ANKDD1A: variants seen among roughly 807,000 people sequenced by gnomAD.
ANKDD1A encodes the protein ankyrin repeat and death domain containing 1A, also known as ankyrin repeat and death domain-containing protein 1A.
A neutral mutation model predicts 63.5 loss-of-function variants in ANKDD1A; 59 were observed. That is an observed-to-expected ratio of 0.93 (90% CI 0.75 to 1.15). The LOEUF is 1.15. Among genes scored for constraint, ANKDD1A ranks in the 50% most tolerant of loss-of-function variants. The probability of loss-of-function intolerance (pLI) is 0.00; values close to 1 mark genes in which losing one functional copy is unlikely to be tolerated. For missense variants in ANKDD1A, 632 were observed against 656.4 expected (o/e 0.96, Z 0.41); for synonymous variants, 266 against 263.9 (o/e 1.01, Z -0.08).
intron 6 of ANKDD1A, 84 bp from the exon 7 acceptor site, chr15:64,930,738 G>A (rs2085083121): frequency 7.3e-7 from 1 of 1,376,628 alleles, no homozygotes; most frequent in Non-Finnish European, 1.0e-6. Flanking sequence ...CACTGACCCA[G>A]TGTGCATGGC....
At chr15:64,930,259 TA>T (rs11430089) in intron 6 of ANKDD1A, among the ~76,000 whole-genome samples, 86,264 of 144,914 alleles carry the variant, frequency 0.6, 25,480 homozygotes, top group South Asian at 0.77. Flanking sequence ...AAAGTAAAAT[TA>T]AAAAAAAAAA....
In ANKDD1A at chr15:64,942,447, C is replaced by A. The variant is rs1377204709; in HGVS notation, c.868-20C>A. 16 of 1,588,536 alleles carry A rather than the reference C, an allele frequency of 1.0e-5. No homozygotes were observed. Among genetic ancestry groups the A allele is most frequent in the Non-Finnish European group, 1.4e-5 (16 of 1,162,264 alleles). On this transcript the variant is annotated intron_variant, in intron 9 of 14. Coordinates refer to ENST00000319580, the MANE Select transcript of ANKDD1A (RefSeq NM_182703.6). Reference sequence around the variant, plus strand: ...TCCTGGGAGGGACTGGTCGATTGATCCGTGTATCTCCTCCCACAGCAGGGT... The same window carrying A: ...TCCTGGGAGGGACTGGTCGATTGATACGTGTATCTCCTCCCACAGCAGGGT...
At chr15:64,951,471 CTT>C (rs1555366905) in intron 14 of ANKDD1A, 981 of 20,036 alleles carry the variant, frequency 0.049, 20 homozygotes, top group East Asian at 0.14. Flanking sequence ...TCTCTTTTTT[CTT>C]TTCTTCTTCC....
At chr15:64,953,787 TCTG>T (rs1343420895) in intron 14 of ANKDD1A, among the ~76,000 whole-genome samples, 2 of 138,166 alleles carry the variant, frequency 1.4e-5, no homozygotes, top group African/African-American at 2.6e-5. Flanking sequence ...TTTTCTTTCT[TCTG>T]CTTTCTTCTT....
intron 10 of ANKDD1A, among the ~76,000 whole-genome samples, chr15:64,942,950 TGTCCCCACAATCTA>T (rs1428173697): frequency 6.6e-6 from 1 of 152,222 alleles, no homozygotes; most frequent in Non-Finnish European, 1.5e-5. Context: ...TTTTAAATCC[TGTCCCCACAATCTA>T]CCCACCAACC....
intron 2 of ANKDD1A, 29 bp from the exon 3 acceptor site, chr15:64,917,357 C>G: frequency 6.3e-7 from 1 of 1,581,016 alleles, no homozygotes; most frequent in East Asian, 2.3e-5. Flanking sequence ...GGCAGCAGCA[C>G]CTGACAAGTG....
At chr15:64,953,191 CTTCTT>C in intron 14 of ANKDD1A, among the ~76,000 whole-genome samples, 3 of 99,592 alleles carry the variant, frequency 3.0e-5, no homozygotes, top group African/African-American at 1.0e-4. Context: ...TCTTCTTCCT[CTTCTT>C]ATTCTTTCTT....
chr15:64,917,452 G>A lies in ANKDD1A; in HGVS notation c.205G>A (p.Glu69Lys). ...CGAGCAGGCTGTGCGTCTGCTTCTG[G>A]AGCACGAGGCTGCTGTGGACGAGGA... Reference protein sequence around the residue: ...GHEQAVRLLLEHEAAVDEEDA... With the variant: ...GHEQAVRLLLKHEAAVDEEDA... The change falls in exon 3 of 15, where the codon GAG becomes AAG. Residue 69 changes from glutamate (E) to lysine (K), a missense_variant. Coordinates refer to ENST00000319580, the MANE Select transcript of ANKDD1A (RefSeq NM_182703.6). The A allele has an allele frequency of 1.9e-6, 3 of 1,608,104 alleles. No individual in the cohort carries two copies. Among genetic ancestry groups the A allele is most frequent in the East Asian group, 2.2e-5 (1 of 44,678 alleles).
chr15:64,926,020 G>A (rs755899785), intron 4 of ANKDD1A, 46 bp from the exon 5 acceptor site: 2 of 1,547,728 alleles, frequency 1.3e-6, no homozygotes, highest in Non-Finnish European at 8.8e-7. Flanking sequence ...GTGTGAAAAG[G>A]GCCTCCCTTC....
intron 9 of ANKDD1A, among the ~76,000 whole-genome samples, chr15:64,934,989 C>T (rs1489575592): frequency 6.6e-6 from 1 of 152,006 alleles, no homozygotes; most frequent in Non-Finnish European, 1.5e-5. Context: ...CTATGGGAGG[C>T]CGAGGCTGGA....
chr15:64,944,608 C>T, intron 11 of ANKDD1A, 44 bp from the exon 12 acceptor site: 1 of 1,581,062 alleles, frequency 6.3e-7, no homozygotes, highest in Non-Finnish European at 8.6e-7. Context: ...TTGTGTACCC[C>T]TCCTGTAGAA....
chr15:64,926,221 G>A (rs1355730161), intron 5 of ANKDD1A, 51 bp downstream of exon 5: 2 of 1,557,784 alleles, frequency 1.3e-6, no homozygotes, highest in Non-Finnish European at 1.8e-6. Context: ...GGGGGCTCCT[G>A]GGGCCACTCT....
At position 64,958,434 on chromosome 15, in the gene ANKDD1A, C is replaced by T. The variant is rs1250232759; in HGVS notation, c.*1246C>T. 1 of 152,098 alleles carries T rather than the reference C, an allele frequency of 6.6e-6. No homozygotes were observed. The highest frequency in any genetic ancestry group is 2.4e-5 in the African/African-American group (1 of 41,402). The allele number at this position is 152,098 out of a possible 1,614,324, so 9.4% of individuals were successfully genotyped here. ...GTGCTGAAGAGTACGTGGGAGCTCT[C>T]TGTGCTATCTGCTCAATTTTTCTCT... On this transcript the variant is annotated 3_prime_UTR_variant, in exon 15 of 15. Transcript: ENST00000319580.
intron 9 of ANKDD1A, among the ~76,000 whole-genome samples, chr15:64,936,343 C>G (rs74707885): frequency 0.018 from 2,772 of 152,216 alleles, 98 homozygotes; most frequent in African/African-American, 0.063. Context: ...ACACCAGAAT[C>G]CTGATGCCAG....
intron 13 of ANKDD1A, among the ~76,000 whole-genome samples, chr15:64,948,197 G>A (rs1485073083): frequency 6.6e-6 from 1 of 152,174 alleles, no homozygotes; most frequent in African/African-American, 2.4e-5. Context: ...ACAATGGTGT[G>A]TGTGTTTCAT....
intron 10 of ANKDD1A, 78 bp from the exon 11 acceptor site, chr15:64,943,406 C>A (rs1403748058): frequency 1.7e-6 from 2 of 1,162,138 alleles, no homozygotes; most frequent in African/African-American, 1.5e-5. Flanking sequence ...ATACTAGGAT[C>A]ATTGTGCGGG....
chr15:64,952,187 C>T (rs1412809092), intron 14 of ANKDD1A, among the ~76,000 whole-genome samples: 2 of 148,154 alleles, frequency 1.3e-5, no homozygotes, highest in African/African-American at 5.0e-5. Flanking sequence ...TTTCCTTCTA[C>T]TTTTTCTTCT....
intron 5 of ANKDD1A, among the ~76,000 whole-genome samples, 159 bp downstream of exon 5, chr15:64,926,329 G>C (rs996119186): frequency 1.3e-5 from 2 of 152,110 alleles, no homozygotes; most frequent in Non-Finnish European, 2.9e-5. Context: ...AGGTGTTGAG[G>C]CGCAAATGAG....
At chr15:64,949,144 G>A (rs1180792227) in intron 13 of ANKDD1A, among the ~76,000 whole-genome samples, 1 of 152,262 alleles carries the variant, frequency 6.6e-6, no homozygotes, top group Non-Finnish European at 1.5e-5. Context: ...CCCAGCATCT[G>A]TCTGTTTCCA....
Sources: allele counts gnomAD v4.1 joint callset (sites outside exome capture counted in the v4.1 genomes callset), GRCh38; gene constraint gnomAD v4.1.1; transcripts MANE v1.5; gene names NCBI Gene and HGNC (gene_info 2026-07-23, HGNC 2026-07-21).